The following CERS3 variants were observed in gnomAD, a reference collection of about 807,000 sequenced individuals.
CERS3 encodes the protein ceramide synthase 3, also known as LAG1 homolog, ceramide synthase 3.
A neutral mutation model predicts 50.3 loss-of-function variants in CERS3; 33 were observed. The ratio of observed to expected loss-of-function variants is 0.66; its 90% CI spans 0.50 to 0.88. The LOEUF (loss-of-function observed/expected upper bound fraction) is 0.88. Ranked by LOEUF, CERS3 falls within the 40% of genes least tolerant of loss-of-function variation. CERS3 has a pLI of 0.00. For missense variants in CERS3, 470 were observed against 460.3 expected, an observed-to-expected ratio of 1.02 and a Z score of -0.19; for synonymous variants, 176 against 155.2, an observed-to-expected ratio of 1.13 and a Z score of -0.99.
chr15:100,408,983 G>A (rs2031269754), intron 11 of CERS3, among the ~76,000 whole-genome samples: 1 of 152,270 alleles, frequency 6.6e-6, no homozygotes, highest in South Asian at 2.1e-4. Flanking sequence ...AGGATGAAAA[G>A]CCAGACTCTA....
intron 1 of CERS3, among the ~76,000 whole-genome samples, chr15:100,538,115 A>T (rs2037115787): frequency 6.6e-6 from 1 of 152,234 alleles, no homozygotes; most frequent in Non-Finnish European, 1.5e-5. Flanking sequence ...GGTCACACTG[A>T]TGCAAGAGGT....
rs560649546 is a variant in CERS3, at chr15:100,514,605, T to C, written c.-2+7062A>G. 4.0e-3 allele frequency among the ~76,000 whole-genome samples: 608 copies of C among 152,290 alleles called. 2 individuals carry two copies. Among genetic ancestry groups the C allele is most frequent in the Non-Finnish European group, 7.5e-3 (508 of 68,008 alleles). ...AGAATGTTTAAGCACATTTGAAATA[T>C]TAACTCCAGATAATAATATCCAGCT... is the stretch of plus-strand genomic sequence containing the variant. On this transcript the variant is annotated intron_variant, in intron 2 of 11. Transcript: ENST00000679737.
intron 11 of CERS3, among the ~76,000 whole-genome samples, chr15:100,410,333 C>T (rs1392093348): frequency 6.6e-6 from 1 of 152,210 alleles, no homozygotes; most frequent in Non-Finnish European, 1.5e-5. Flanking sequence ...ATATTATCAG[C>T]TTGGCACTCC....
Position 100,455,923 on chromosome 15 carries a change from C to G in CERS3, c.969G>C (p.Leu323Phe). 1.2e-6 allele frequency: 2 copies of G among 1,612,032 alleles called. No individual in the cohort carries two copies. The highest frequency in any genetic ancestry group is 1.7e-6 in the Non-Finnish European group (2 of 1,178,976). Reference sequence around the variant, plus strand: ...TGAATATACATCTGTTGAGCATCTTCAAGATGTAATAACCCCAGTAAAGGT... The same window carrying G: ...TGAATATACATCTGTTGAGCATCTTGAAGATGTAATAACCCCAGTAAAGGT... ...VLHLYWGYYI[L>F]KMLNRCIFMK... Residue 323 changes from leucine (L) to phenylalanine (F), a missense_variant, in exon 11 of 12, where the codon TTG becomes TTC. Coordinates refer to ENST00000679737, the MANE Select transcript of CERS3 (RefSeq NM_001378789.1).
chr15:100,532,199 G>T (rs868248011), upstream of CERS3, among the ~76,000 whole-genome samples: 2 of 151,830 alleles, frequency 1.3e-5, no homozygotes, highest in Non-Finnish European at 2.9e-5. Flanking sequence ...AAGGGGAAGC[G>T]GGCAACTTCT....
intron 11 of CERS3, among the ~76,000 whole-genome samples, chr15:100,439,147 G>T (rs927216884): frequency 1.3e-5 from 2 of 152,182 alleles, no homozygotes; most frequent in East Asian, 3.8e-4. Context: ...ATATAAGCTA[G>T]AGTTTTGAAA....
intron 11 of CERS3, among the ~76,000 whole-genome samples, chr15:100,454,802 T>C (rs985517299): frequency 6.6e-6 from 1 of 152,176 alleles, no homozygotes; most frequent in Middle Eastern, 3.4e-3. Context: ...GGAGAAAATA[T>C]TTGCAAATCC....
chr15:100,443,149 G>T (rs1019361476), intron 11 of CERS3, among the ~76,000 whole-genome samples: 559 of 150,444 alleles, frequency 3.7e-3, no homozygotes, highest in African/African-American at 0.013. Context: ...AGCCTCCTTT[G>T]CGTCCTCCTC....
intron 5 of CERS3, 97 bp from the exon 6 acceptor site, chr15:100,480,143 T>C: frequency 1.1e-6 from 1 of 875,360 alleles, no homozygotes; most frequent in South Asian, 1.5e-5. Context: ...AGAACACACA[T>C]TCTGGAGTCA....
At chr15:100,425,933 G>C (rs1311249443) in intron 11 of CERS3, 2 of 152,024 alleles carry the variant, frequency 1.3e-5, no homozygotes, top group Non-Finnish European at 2.9e-5. Flanking sequence ...GTTCTTACGA[G>C]ATCTGGTTGT....
chr15:100,453,114 A>AC (rs989167254), intron 11 of CERS3, among the ~76,000 whole-genome samples: 7 of 151,996 alleles, frequency 4.6e-5, no homozygotes, highest in Non-Finnish European at 8.8e-5. Context: ...TCAAAAAAAA[A>AC]AATTAAGTGG....
rs531565138 is a variant in CERS3 at position 100,443,880 on chromosome 15, A to T, written c.999+12013T>A. On this transcript the variant is annotated intron_variant, in intron 11 of 11. Transcript: ENST00000679737. ...TACCTGGTTTTGCCATCCTAAAAAAACCATTCTATAAACTCACAAAAGGAA... is the reference window on the plus strand; with the variant it reads ...TACCTGGTTTTGCCATCCTAAAAAATCCATTCTATAAACTCACAAAAGGAA... 7.1e-4 allele frequency among the ~76,000 whole-genome samples: 108 copies of T among 152,164 alleles called. 1 individual carries two copies. The highest frequency in any genetic ancestry group is 2.5e-3 in the African/African-American group (103 of 41,428).
intron 11 of CERS3, among the ~76,000 whole-genome samples, chr15:100,440,663 C>T (rs1165206321): frequency 2.0e-5 from 3 of 152,242 alleles, no homozygotes; most frequent in African/African-American, 7.2e-5. Context: ...AATCCCCTGT[C>T]CTCCTGCTCT....
At chr15:100,514,453 T>G (rs1385407268) in intron 2 of CERS3, among the ~76,000 whole-genome samples, 1 of 152,172 alleles carries the variant, frequency 6.6e-6, no homozygotes, top group Non-Finnish European at 1.5e-5. Context: ...ATAATAAATT[T>G]TAGGAGTCAC....
At chr15:100,440,311 C>G (rs1345201791) in intron 11 of CERS3, among the ~76,000 whole-genome samples, 1 of 152,220 alleles carries the variant, frequency 6.6e-6, no homozygotes, top group African/African-American at 2.4e-5. Context: ...CCTGCACATA[C>G]ACATCCAGAT....
At chr15:100,446,050 T>C (rs940381067) in intron 11 of CERS3, among the ~76,000 whole-genome samples, 8 of 152,000 alleles carry the variant, frequency 5.3e-5, no homozygotes, top group Admixed American at 4.6e-4. Context: ...CCCTTTTTCC[T>C]TTACCTACCC....
intron 11 of CERS3, among the ~76,000 whole-genome samples, chr15:100,431,405 C>A (rs1440728880): frequency 6.6e-6 from 1 of 152,044 alleles, no homozygotes; most frequent in African/African-American, 2.4e-5. Flanking sequence ...TGTTTTTCTA[C>A]AAAAGAATCC....
intron 5 of CERS3, among the ~76,000 whole-genome samples, chr15:100,483,127 T>G (rs901872002): frequency 2.6e-5 from 4 of 152,230 alleles, no homozygotes; most frequent in African/African-American, 9.6e-5. Flanking sequence ...GACCCATTCT[T>G]CAAGGTCCAA....
chr15:100,494,469 G>C (rs1042174947), intron 3 of CERS3, among the ~76,000 whole-genome samples: 3 of 151,494 alleles, frequency 2.0e-5, no homozygotes, highest in African/African-American at 7.3e-5. Context: ...GGATGGTCTC[G>C]ATCTCCTGAC....
Sources: allele counts gnomAD v4.1 joint callset (sites outside exome capture counted in the v4.1 genomes callset), GRCh38; gene constraint gnomAD v4.1.1; transcripts MANE v1.5; gene names NCBI Gene and HGNC (gene_info 2026-07-23, HGNC 2026-07-21).